The following TRIM2 variants were observed in gnomAD, a reference collection of about 807,000 sequenced individuals.
TRIM2 encodes the protein tripartite motif-containing protein 2.
In TRIM2, 20 loss-of-function variants were observed where a neutral mutation model predicts 75.2. That is an observed-to-expected ratio of 0.27 (90% CI 0.19 to 0.39). The LOEUF (loss-of-function observed/expected upper bound fraction) is 0.39. Among genes scored for constraint, TRIM2 ranks in the 10% least tolerant of loss-of-function variants. The pLI, the probability that TRIM2 is intolerant of heterozygous loss-of-function variation, is 1.00. For missense variants in TRIM2, 660 were observed against 990.8 expected (o/e 0.67, Z 4.48); for synonymous variants, 373 against 388.3 (o/e 0.96, Z 0.46).
At position 153,293,169 on chromosome 4, in the gene TRIM2, C is replaced by T. The variant is rs752749878; in HGVS notation, c.605+36C>T. The T allele has an allele frequency of 1.9e-6, 3 of 1,581,138 alleles. No individual in the cohort carries two copies. In the South Asian group the frequency reaches 3.4e-5, roughly 18 times the overall value. Reference sequence around the variant, plus strand: ...CCTCCCCAAACCCCCAACTGGCTGCCTGTACTTGAGGCCTGGCCTCATGGC... The same window carrying T: ...CCTCCCCAAACCCCCAACTGGCTGCTTGTACTTGAGGCCTGGCCTCATGGC... On this transcript the variant is annotated intron_variant, in intron 4 of 11. Transcript: ENST00000338700.
intron 1 of TRIM2, among the ~76,000 whole-genome samples, chr4:153,177,646 CAA>C (rs1211243448): frequency 1.5e-5 from 2 of 132,822 alleles, no homozygotes. Context: ...ACTCCTTCTC[CAA>C]AAAAAAAAAA....
intron 1 of TRIM2, among the ~76,000 whole-genome samples, chr4:153,239,485 G>A (rs1205770529): frequency 1.3e-5 from 2 of 152,058 alleles, no homozygotes; most frequent in Non-Finnish European, 2.9e-5. Flanking sequence ...AACTAAGAGA[G>A]AAAGTTATCC....
chr4:153,272,250 G>A lies in TRIM2; in HGVS notation c.215+1731G>A, dbSNP rs145285975. ...TGCAAGCTCTGCCTCCCGGATTCAC[G>A]CCATTCTCCTGCCTCAGCCTCCTGA... On this transcript the variant is annotated intron_variant, in intron 2 of 11. Transcript: ENST00000338700. Among the ~76,000 whole-genome samples the A allele has an allele frequency of 9.9e-3, 1,501 of 152,018 alleles. 26 individuals are homozygous for A. Among genetic ancestry groups the A allele is most frequent in the African/African-American group, 0.033 (1,387 of 41,466 alleles).
At chr4:153,229,403 A>G (rs998305912) in intron 1 of TRIM2, among the ~76,000 whole-genome samples, 7 of 152,260 alleles carry the variant, frequency 4.6e-5, no homozygotes, top group African/African-American at 1.7e-4. Flanking sequence ...AGCTGGGACT[A>G]CAGGTCCCAT....
At chr4:153,218,684 T>C (rs1282439246) in intron 1 of TRIM2, among the ~76,000 whole-genome samples, 1 of 152,222 alleles carries the variant, frequency 6.6e-6, no homozygotes, top group African/African-American at 2.4e-5. Context: ...TCTCTCATTT[T>C]TCTGTGACCC....
chr4:153,291,745 G>GTCA lies in TRIM2; in HGVS notation c.454-1216_454-1214dup, dbSNP rs139634621. ...TTTTATTTTCAGGTAAGCAGATGATGTCATCATCATCATCATCATCATCCC... is the reference window on the plus strand; with the variant it reads ...TTTTATTTTCAGGTAAGCAGATGATGTCATCATCATCATCATCATCATCATCCC... On this transcript the variant is annotated intron_variant, in intron 3 of 11. Transcript: ENST00000338700. 7.3e-3 allele frequency among the ~76,000 whole-genome samples: 1,108 copies of GTCA among 151,912 alleles called. 15 individuals are homozygous for GTCA. The highest frequency in any genetic ancestry group is 0.024 in the African/African-American group (1,012 of 41,432).
At chr4:153,232,964 C>A (rs574346435) in intron 1 of TRIM2, among the ~76,000 whole-genome samples, 3 of 152,266 alleles carry the variant, frequency 2.0e-5, no homozygotes, top group Admixed American at 1.3e-4. Flanking sequence ...GGAGCTGTCC[C>A]CTGGGCCACT....
At chr4:153,157,914 C>T (rs545875304) in intron 1 of TRIM2, among the ~76,000 whole-genome samples, 1 of 152,322 alleles carries the variant, frequency 6.6e-6, no homozygotes, top group South Asian at 2.1e-4. Flanking sequence ...GGTTAAATAC[C>T]ATCCACTGCT....
intron 10 of TRIM2, among the ~76,000 whole-genome samples, chr4:153,325,184 G>A (rs1008182588): frequency 1.3e-5 from 2 of 152,200 alleles, no homozygotes; most frequent in Non-Finnish European, 2.9e-5. Context: ...GCATCCTGGA[G>A]AGCCTCTAAC....
chr4:153,234,064 AGT>A (rs1279979295), intron 1 of TRIM2, among the ~76,000 whole-genome samples: 6 of 152,222 alleles, frequency 3.9e-5, no homozygotes, highest in Admixed American at 1.3e-4. Flanking sequence ...TGCACCATAC[AGT>A]GAGAAAGCTT....
chr4:153,300,064 T>C lies in TRIM2; in HGVS notation c.1510+4028T>C, dbSNP rs146490990. Among the ~76,000 whole-genome samples the C allele has an allele frequency of 6.7e-3, 1,028 of 152,336 alleles. 12 individuals carry two copies. Among genetic ancestry groups the C allele is most frequent in the African/African-American group, 0.023 (969 of 41,566 alleles). On this transcript the variant is annotated intron_variant, in intron 6 of 11. Coordinates refer to ENST00000338700, the MANE Select transcript of TRIM2 (RefSeq NM_015271.5). ...AAATTTATGTTTGAGTGCTATTTCT[T>C]TGCGGCACCGAAAATTTGTTTCTAA...
chr4:153,331,773 A>G (rs1771531489), intron 11 of TRIM2, among the ~76,000 whole-genome samples: 1 of 152,216 alleles, frequency 6.6e-6, no homozygotes, highest in Non-Finnish European at 1.5e-5. Context: ...AATCAAGGCT[A>G]TGTAATATGG....
chr4:153,194,398 T>G (rs908501530), intron 1 of TRIM2, among the ~76,000 whole-genome samples: 2 of 152,158 alleles, frequency 1.3e-5, no homozygotes, highest in Admixed American at 1.3e-4. Context: ...GAAATCATTT[T>G]CATTCCACTT....
At chr4:153,179,090 C>T (rs1731775847) in intron 1 of TRIM2, among the ~76,000 whole-genome samples, 1 of 152,040 alleles carries the variant, frequency 6.6e-6, no homozygotes, top group African/African-American at 2.4e-5. Context: ...ACTTGGGAGA[C>T]TGAGGCTGGT....
chr4:153,314,071 C>T (rs193167722), intron 6 of TRIM2, among the ~76,000 whole-genome samples: 223 of 152,204 alleles, frequency 1.5e-3, no homozygotes, highest in Non-Finnish European at 2.3e-3. Flanking sequence ...TTACATCATC[C>T]TATTGAAATA....
chr4:153,192,316 G>A (rs1054638835), intron 1 of TRIM2, among the ~76,000 whole-genome samples: 1 of 152,098 alleles, frequency 6.6e-6, no homozygotes, highest in African/African-American at 2.4e-5. Flanking sequence ...TCAAGGTTAA[G>A]AGAATCTAGG....
At chr4:153,230,183 AT>A (rs572520121) in intron 1 of TRIM2, among the ~76,000 whole-genome samples, 2,432 of 144,126 alleles carry the variant, frequency 0.017, 16 homozygotes, top group Non-Finnish European at 0.021. Flanking sequence ...CATCCACACT[AT>A]TTTTTTTTTT....
intron 1 of TRIM2, among the ~76,000 whole-genome samples, chr4:153,224,691 T>C (rs918091071): frequency 6.6e-6 from 1 of 152,218 alleles, no homozygotes; most frequent in Non-Finnish European, 1.5e-5. Flanking sequence ...AATCCTCCAC[T>C]AGAAATTCCA....
At chr4:153,227,878 C>G (rs1487052522) in intron 1 of TRIM2, among the ~76,000 whole-genome samples, 1 of 152,148 alleles carries the variant, frequency 6.6e-6, no homozygotes, top group Non-Finnish European at 1.5e-5. Context: ...TTAGTACTCT[C>G]CTCGGTATTG....
Sources: allele counts gnomAD v4.1 joint callset (sites outside exome capture counted in the v4.1 genomes callset), GRCh38; gene constraint gnomAD v4.1.1; transcripts MANE v1.5; gene names NCBI Gene and HGNC (gene_info 2026-07-23, HGNC 2026-07-21).